Variants in CCDC171 observed in about 807,000 individuals in gnomAD.
CCDC171 encodes the protein coiled-coil domain containing 171.
A neutral mutation model predicts 168.2 loss-of-function variants in CCDC171; 177 were observed. That is an observed-to-expected ratio of 1.05 (90% confidence interval 0.93 to 1.19). The LOEUF (loss-of-function observed/expected upper bound fraction) is 1.19, where lower values mean the gene tolerates loss of function less well. Among genes scored for constraint, CCDC171 ranks in the 50% most tolerant of loss-of-function variants. CCDC171 has a pLI of 0.00. For missense variants in CCDC171, 1,991 were observed against 1,539.0 expected (o/e 1.29, Z -4.91); for synonymous variants, 687 against 540.8 (o/e 1.27, Z -3.75).
At chr9:15,622,486 A>C (rs1455273678) in intron 6 of CCDC171, among the ~76,000 whole-genome samples, 1 of 152,192 alleles carries the variant, frequency 6.6e-6, no homozygotes, top group Non-Finnish European at 1.5e-5. Flanking sequence ...AGCATATATA[A>C]ATATTCATGT....
intron 25 of CCDC171, among the ~76,000 whole-genome samples, chr9:15,922,562 A>T (rs530381678): frequency 3.6e-4 from 55 of 151,686 alleles, no homozygotes; most frequent in Admixed American, 2.0e-3. Flanking sequence ...TGACCTACTG[A>T]TTTCATTTCC....
At chr9:15,648,693 A>T (rs1815854247) in intron 7 of CCDC171, among the ~76,000 whole-genome samples, 1 of 152,214 alleles carries the variant, frequency 6.6e-6, no homozygotes, top group Admixed American at 6.5e-5. Flanking sequence ...CTTACAAGGG[A>T]TGTGAAAGAC....
At chr9:15,623,480 CA>C in intron 7 of CCDC171, 67 bp downstream of exon 7, 1 of 574,244 alleles carries the variant, frequency 1.7e-6, no homozygotes. Context: ...CGCGCGCACA[CA>C]CACACACACA....
At chr9:15,865,917 T>A (rs1223448345) in intron 23 of CCDC171, among the ~76,000 whole-genome samples, 1 of 151,822 alleles carries the variant, frequency 6.6e-6, no homozygotes, top group Non-Finnish European at 1.5e-5. Flanking sequence ...ATATGTGGCA[T>A]ACTTAGAAAA....
At chr9:15,753,545 T>C (rs948551400) in intron 18 of CCDC171, among the ~76,000 whole-genome samples, 1 of 152,168 alleles carries the variant, frequency 6.6e-6, no homozygotes, top group Non-Finnish European at 1.5e-5. Context: ...AGTGGCCCCT[T>C]ACAACACTTT....
intron 8 of CCDC171, among the ~76,000 whole-genome samples, chr9:16,037,007 G>A (rs1054480289): frequency 2.6e-5 from 4 of 152,090 alleles, no homozygotes; most frequent in Non-Finnish European, 5.9e-5. Flanking sequence ...GCTAGGAAGG[G>A]GTATGAAGAG....
At chr9:15,782,475 A>T (rs2057715914) in intron 20 of CCDC171, among the ~76,000 whole-genome samples, 1 of 152,172 alleles carries the variant, frequency 6.6e-6, no homozygotes, top group African/African-American at 2.4e-5. Flanking sequence ...AAATTACCTG[A>T]GTTTTTAGGT....
At chr9:16,089,585 T>G in the CCDC171 span, among the ~76,000 whole-genome samples, 5 of 152,086 alleles carry the variant, frequency 3.3e-5, no homozygotes, top group African/African-American at 9.6e-5. Context: ...CAGTTTCAGT[T>G]TTCTGCACAT....
chr9:15,576,246 T>C (rs975889117), intron 3 of CCDC171, among the ~76,000 whole-genome samples: 1 of 152,000 alleles, frequency 6.6e-6, no homozygotes, highest in Non-Finnish European at 1.5e-5. Context: ...TGCAGTGATG[T>C]GATCATTGCT....
chr9:15,606,851 G>GA (rs1304624035), intron 6 of CCDC171, among the ~76,000 whole-genome samples: 2 of 152,022 alleles, frequency 1.3e-5, no homozygotes, highest in African/African-American at 2.4e-5. Flanking sequence ...CCCTCTAGTG[G>GA]AAAAAAGAAG....
chr9:15,881,909 T>C (rs1458097701), intron 24 of CCDC171, among the ~76,000 whole-genome samples: 1 of 152,196 alleles, frequency 6.6e-6, no homozygotes, highest in Non-Finnish European at 1.5e-5. Flanking sequence ...GCAGTAAAAA[T>C]AGGAGTACAG....
intron 21 of CCDC171, among the ~76,000 whole-genome samples, chr9:15,824,114 T>C (rs2059912392): frequency 2.0e-5 from 3 of 152,138 alleles, no homozygotes; most frequent in Admixed American, 2.0e-4. Flanking sequence ...TTATCAAAAT[T>C]CTCATTTTAT....
intron 25 of CCDC171, among the ~76,000 whole-genome samples, chr9:15,941,945 A>G (rs1233268334): frequency 6.6e-6 from 1 of 152,008 alleles, no homozygotes; most frequent in East Asian, 1.9e-4. Flanking sequence ...ATGTTCAGCC[A>G]CATTTGAATT....
intron 11 of CCDC171, among the ~76,000 whole-genome samples, chr9:15,701,840 T>C (rs905829972): frequency 6.6e-6 from 1 of 152,190 alleles, no homozygotes; most frequent in Admixed American, 6.5e-5. Context: ...CTGTGACATA[T>C]TGACTTACTC....
Position 15,869,512 on chromosome 9 carries a change from TG to T in CCDC171, c.3469-5019del, listed in dbSNP as rs112759154. The stretch of plus-strand genomic sequence containing the variant: ...TTACTAAGAGCCTCTGAAAGCGTAG[TG>T]TTTTTTTTTTGTTTGTTTTTGTTTT... On this transcript the variant is annotated intron_variant, in intron 23 of 25. Coordinates refer to ENST00000380701, the MANE Select transcript of CCDC171 (RefSeq NM_173550.4). Among the ~76,000 whole-genome samples the T allele has an allele frequency of 3.7e-4, 26 of 70,402 alleles. 3 individuals carry two copies. The highest frequency in any genetic ancestry group is 9.7e-4 in the African/African-American group (25 of 25,856). 46.2% of individuals were successfully genotyped at this position (70,402 alleles called of 152,430 possible). A position where few individuals can be genotyped will look rare whatever the true frequency, so the allele number is the denominator to read the frequency against.
Position 15,778,975 on chromosome 9 carries a change from C to G in CCDC171, c.2906C>G (p.Thr969Arg). 1.3e-6 allele frequency: 2 copies of G among 1,518,400 alleles called. No homozygotes were observed. Among genetic ancestry groups the G allele is most frequent in the Non-Finnish European group, 1.8e-6 (2 of 1,134,494 alleles). 94.1% of individuals were successfully genotyped at this position (1,518,400 alleles called of 1,614,324 possible). A position where few individuals can be genotyped will look rare whatever the true frequency, so the allele number is the denominator to read the frequency against. ...GCTCTTGTTTAACAACAGAAAAGCA[C>G]AGCATCGTTGCAGAAGCAAATACTT... Reference protein sequence around the residue: ...LRGHVPITKSTASLQKQILGF... With the variant: ...LRGHVPITKSRASLQKQILGF... The change falls in exon 20 of 26, where the codon ACA (threonine) becomes AGA (arginine). Residue 969 changes from threonine to arginine, a missense_variant. Physicochemically the swap from Thr to Arg is moderately conservative, Grantham distance 71. Transcript: ENST00000380701.
chr9:15,604,775 G>T (rs1305315775), intron 6 of CCDC171, among the ~76,000 whole-genome samples: 5 of 152,194 alleles, frequency 3.3e-5, no homozygotes, highest in African/African-American at 1.2e-4. Context: ...TTGTGATGTA[G>T]TGACAACTCG....
intron 6 of CCDC171, 143 bp downstream of exon 6, chr9:15,594,315 A>G (rs2042188399): frequency 3.5e-6 from 2 of 566,824 alleles, no homozygotes; most frequent in Non-Finnish European, 6.1e-6. Flanking sequence ...ATTTGCTGTT[A>G]CATGACAATA....
intron 23 of CCDC171, among the ~76,000 whole-genome samples, chr9:15,863,557 A>T (rs1389155610): frequency 6.6e-6 from 1 of 152,014 alleles, no homozygotes; most frequent in African/African-American, 2.4e-5. Context: ...GTCAACTTCA[A>T]AATTTATATT....
Sources: allele counts gnomAD v4.1 joint callset (sites outside exome capture counted in the v4.1 genomes callset), GRCh38; gene constraint gnomAD v4.1.1; transcripts MANE v1.5; gene names NCBI Gene and HGNC (gene_info 2026-07-23, HGNC 2026-07-21).